TSPAN9: variants seen among roughly 807,000 people sequenced by gnomAD.
TSPAN9 encodes the protein tetraspanin 9, also known as tetraspanin-9.
In TSPAN9, 16 loss-of-function variants were observed where a neutral mutation model predicts 31.0. The observed-to-expected ratio is 0.52, with a 90% CI of 0.35 to 0.78. The LOEUF (loss-of-function observed/expected upper bound fraction) is 0.78. TSPAN9 is among the 30% of genes least tolerant of loss of function. TSPAN9 has a pLI of 0.01. For missense variants in TSPAN9, 272 were observed against 312.5 expected (o/e 0.87, Z 0.98); for synonymous variants, 145 against 121.6 (o/e 1.19, Z -1.27).
chr12:3,279,658 T>C (rs986581601), intron 5 of TSPAN9, among the ~76,000 whole-genome samples: 2 of 152,202 alleles, frequency 1.3e-5, no homozygotes, highest in Admixed American at 6.5e-5. Flanking sequence ...TCTTGGGGCG[T>C]GGCAGGCCCT....
At position 3,247,966 on chromosome 12, in the gene TSPAN9, C is replaced by T. The variant is rs114881966; in HGVS notation, c.64-30455C>T. Among the ~76,000 whole-genome samples the T allele has an allele frequency of 9.8e-3, 1,496 of 152,292 alleles. 21 individuals carry two copies. Among genetic ancestry groups the T allele is most frequent in the African/African-American group, 0.033 (1,359 of 41,540 alleles). On this transcript the variant is annotated intron_variant, in intron 3 of 8. Transcript: ENST00000011898. ...TGTGCATGCCAGTGGGGAAGCGCAG[C>T]GGGGCATGGAGGATGATGGATTAGA...
intron 2 of TSPAN9, among the ~76,000 whole-genome samples, chr12:3,165,048 G>T (rs1182139075): frequency 6.6e-6 from 1 of 152,202 alleles, no homozygotes; most frequent in Non-Finnish European, 1.5e-5. Flanking sequence ...CCGTAGAGGG[G>T]TAGGATTAAC....
chr12:3,159,244 C>T (rs890471704), intron 2 of TSPAN9, among the ~76,000 whole-genome samples: 9 of 151,422 alleles, frequency 5.9e-5, no homozygotes, highest in African/African-American at 1.2e-4. Context: ...GGCTTCTCCT[C>T]CCAGCTCTGC....
At chr12:3,186,566 G>GTA (rs932271153) in intron 2 of TSPAN9, among the ~76,000 whole-genome samples, 1 of 151,670 alleles carries the variant, frequency 6.6e-6, no homozygotes, top group African/African-American at 2.4e-5. Flanking sequence ...GTGTGTGTGT[G>GTA]TGTGTGTGTG....
chr12:3,183,107 G>C (rs565028724), intron 2 of TSPAN9, among the ~76,000 whole-genome samples: 36 of 152,324 alleles, frequency 2.4e-4, no homozygotes, highest in African/African-American at 7.9e-4. Flanking sequence ...AGGAGCACCC[G>C]CGGTGGCCAA....
intron 1 of TSPAN9, among the ~76,000 whole-genome samples, chr12:3,082,809 C>T (rs1441962627): frequency 6.6e-6 from 1 of 152,184 alleles, no homozygotes. Context: ...TTCCGGTAGG[C>T]ATTGTTTCGT....
In TSPAN9 at chr12:3,225,747, T is replaced by C. The variant is rs76885601; in HGVS notation, c.63+24491T>C. On this transcript the variant is annotated intron_variant, in intron 3 of 8. Coordinates refer to ENST00000011898, the MANE Select transcript of TSPAN9 (RefSeq NM_006675.5). ...GCCTGGGGAAGCAGAAGGGATTTTT[T>C]TTTTTTCAAATAGGTTTCGTATATC... Among the ~76,000 whole-genome samples the C allele has an allele frequency of 1.2e-3, 190 of 152,094 alleles. No homozygotes were observed. In the Middle Eastern group the frequency reaches 0.014, roughly 11 times the overall value.
intron 3 of TSPAN9, among the ~76,000 whole-genome samples, chr12:3,233,912 G>A (rs1010480013): frequency 5.3e-5 from 8 of 152,144 alleles, no homozygotes; most frequent in African/African-American, 1.9e-4. Flanking sequence ...GTCTCTGCAG[G>A]GAATATTTCC....
intron 2 of TSPAN9, among the ~76,000 whole-genome samples, chr12:3,182,845 G>C (rs958395199): frequency 1.3e-5 from 2 of 152,180 alleles, no homozygotes; most frequent in African/African-American, 2.4e-5. Context: ...CAGGCAGAGA[G>C]GTGAGCCAGG....
intron 2 of TSPAN9, among the ~76,000 whole-genome samples, chr12:3,103,526 G>T (rs2153964565): frequency 6.6e-6 from 1 of 152,310 alleles, no homozygotes; most frequent in East Asian, 1.9e-4. Flanking sequence ...CCTAAACTGG[G>T]ACTGCAAGTT....
At chr12:3,150,896 A>G (rs969104918) in intron 2 of TSPAN9, 1 of 152,240 alleles carries the variant, frequency 6.6e-6, no homozygotes, top group African/African-American at 2.4e-5. Context: ...CATTTCTCAT[A>G]AGGCCCCTTC....
intron 2 of TSPAN9, among the ~76,000 whole-genome samples, chr12:3,153,082 G>A (rs1241586026): frequency 6.6e-6 from 1 of 152,178 alleles, no homozygotes; most frequent in Non-Finnish European, 1.5e-5. Flanking sequence ...TGGTGGTGGT[G>A]GTGGTGCAGG....
rs530059821 is a variant in TSPAN9, at chr12:3,183,738, A to C, written c.-17-17439A>C. Reference sequence around the variant, plus strand: ...GCCTGGGACCCACGCTTGGAGAAGTAGTTTTAGAGGGAACTCGGCATTTGG... The same window carrying C: ...GCCTGGGACCCACGCTTGGAGAAGTCGTTTTAGAGGGAACTCGGCATTTGG... On this transcript the variant is annotated intron_variant, in intron 2 of 8. Coordinates refer to ENST00000011898, the MANE Select transcript of TSPAN9 (RefSeq NM_006675.5). 3.3e-5 allele frequency among the ~76,000 whole-genome samples: 5 copies of C among 152,226 alleles called. No individual in the cohort carries two copies. In the South Asian group the frequency reaches 1.0e-3, roughly 32 times the overall value.
chr12:3,169,211 C>T (rs901905154), intron 2 of TSPAN9, among the ~76,000 whole-genome samples: 32 of 151,470 alleles, frequency 2.1e-4, no homozygotes, highest in African/African-American at 7.4e-4. Context: ...GTCTGCAGAA[C>T]GCACCCAACT....
intron 3 of TSPAN9, chr12:3,211,521 C>A: frequency 5.9e-6 from 4 of 677,652 alleles, no homozygotes; most frequent in Non-Finnish European, 9.7e-6. Flanking sequence ...CCAGCCTCTT[C>A]CCCCAAACCC....
At chr12:3,148,831 C>T (rs1012086975) in intron 2 of TSPAN9, among the ~76,000 whole-genome samples, 7 of 152,220 alleles carry the variant, frequency 4.6e-5, no homozygotes, top group African/African-American at 7.2e-5. Flanking sequence ...AGCCTCCCCA[C>T]GGCTGCAGCT....
rs776374773 is a variant in TSPAN9, at chr12:3,279,048, C to G, written c.312C>G (p.Phe104Leu). The G allele has an allele frequency of 8.1e-6, 13 of 1,614,064 alleles. No homozygotes were observed. The South Asian group carries it at 1.4e-4, about 18-fold the overall frequency. ...LLAELILLILFFVYMDKVNEN... is the reference protein window; with the variant it reads ...LLAELILLILLFVYMDKVNEN... ...CAGAGCTGATCTTACTCATCCTCTT[C>G]TTTGTCTACATGGACAAGGTAAGCC... is the stretch of plus-strand genomic sequence containing the variant. Residue 104 changes from phenylalanine to leucine, a missense_variant, in exon 5 of 9, where the codon TTC becomes TTG. Physicochemically the swap from Phe to Leu is conservative, Grantham distance 22. Transcript: ENST00000011898.
chr12:3,144,997 T>C (rs2098336494), intron 2 of TSPAN9, among the ~76,000 whole-genome samples: 1 of 152,248 alleles, frequency 6.6e-6, no homozygotes, highest in Non-Finnish European at 1.5e-5. Flanking sequence ...TCAAATCAGT[T>C]GCATTGCTTT....
At chr12:3,109,016 A>G (rs372917828) in intron 2 of TSPAN9, among the ~76,000 whole-genome samples, 37 of 151,984 alleles carry the variant, frequency 2.4e-4, no homozygotes, top group East Asian at 9.7e-4. Context: ...GCTCACTGCA[A>G]GCTCCGCCTC....
Sources: gnomAD v4.1 joint callset for allele counts (sites outside exome capture counted in the v4.1 genomes callset) on GRCh38, gnomAD v4.1.1 for gene constraint, MANE v1.5 for transcripts, NCBI Gene and HGNC (gene_info 2026-07-23, HGNC 2026-07-21) for gene names.